The following IFT122 variants were observed in gnomAD, a reference collection of about 807,000 sequenced individuals.
IFT122 encodes intraflagellar transport protein 122 homolog.
In IFT122, 118 loss-of-function variants were observed where a neutral mutation model predicts 161.6. That is an observed-to-expected ratio of 0.73 (90% CI 0.63 to 0.85). The LOEUF is 0.85. IFT122 is among the 40% of genes least tolerant of loss of function. IFT122 has a pLI of 0.00. For missense variants in IFT122, 1,381 were observed against 1,579.6 expected, an observed-to-expected ratio of 0.87 and a Z score of 2.13; for synonymous variants, 550 against 602.4, an observed-to-expected ratio of 0.91 and a Z score of 1.27.
chr3:129,453,118 C>T (rs904580477), intron 3 of IFT122, among the ~76,000 whole-genome samples: 1 of 151,898 alleles, frequency 6.6e-6, no homozygotes, highest in Admixed American at 6.6e-5. Context: ...TTGATGATGT[C>T]GGAGAGGGGA....
Position 129,504,360 on chromosome 3 carries a change from C to T in IFT122, c.2589C>T (p.Asp863=), listed in dbSNP as rs2081966988. ...AGAAGCATCCTGAGTTTAAGGATGACATCTACATGCCGTATGCTCAGTGGC... is the reference window on the plus strand; with the variant it reads ...AGAAGCATCCTGAGTTTAAGGATGATATCTACATGCCGTATGCTCAGTGGC... ...LGEKHPEFKD[D]IYMPYAQWLA... The change falls in exon 21 of 30, where the codon GAC becomes GAT. Residue 863 remains aspartate (D), a synonymous_variant. Transcript: ENST00000348417. The T allele has an allele frequency of 1.2e-6, 2 of 1,614,026 alleles. No homozygotes were observed.
intron 23 of IFT122, among the ~76,000 whole-genome samples, chr3:129,508,816 CA>C (rs1385210228): frequency 6.6e-6 from 1 of 151,994 alleles, no homozygotes; most frequent in Non-Finnish European, 1.5e-5. Flanking sequence ...TGCGATGAGG[CA>C]AAATTTTGAA....
chr3:129,503,414 C>G (rs952939242), intron 20 of IFT122, among the ~76,000 whole-genome samples: 4 of 152,120 alleles, frequency 2.6e-5, no homozygotes, highest in Non-Finnish European at 4.4e-5. Flanking sequence ...AAAGAATTAG[C>G]CAGGTCAGCG....
chr3:129,486,085 A>G (rs552786941), intron 15 of IFT122, among the ~76,000 whole-genome samples: 1 of 152,342 alleles, frequency 6.6e-6, no homozygotes, highest in East Asian at 1.9e-4. Flanking sequence ...ACAGCAAGAT[A>G]AAGTATAGCT....
intron 3 of IFT122, chr3:129,456,357 G>T: frequency 9.7e-7 from 1 of 1,026,354 alleles, no homozygotes; most frequent in Non-Finnish European, 1.3e-6. Flanking sequence ...AAAGGTACTT[G>T]GCCGGGTGTG....
chr3:129,455,712 C>T (rs1049119562), intron 3 of IFT122, among the ~76,000 whole-genome samples: 6 of 151,838 alleles, frequency 4.0e-5, no homozygotes. Flanking sequence ...TACTGTTGAC[C>T]AGAAGCCTTA....
In IFT122 at chr3:129,449,941, G is replaced by A. The variant is rs1559838129; in HGVS notation, c.108+4G>A. 6.2e-7 allele frequency: 1 copy of A among 1,602,676 alleles called. No individual in the cohort carries two copies. The highest frequency in any genetic ancestry group is 2.2e-5 in the East Asian group (1 of 44,800). ...GGCTGCCGGAAGCAGATTACTGGTAGGATTTTGTCTTAGTTTCCTCTTAAA... is the reference window on the plus strand; with the variant it reads ...GGCTGCCGGAAGCAGATTACTGGTAAGATTTTGTCTTAGTTTCCTCTTAAA... On this transcript the variant is annotated splice_donor_region_variant and intron_variant, in intron 2 of 29. Transcript: ENST00000348417.
At chr3:129,491,480 A>G (rs147643126) in intron 16 of IFT122, among the ~76,000 whole-genome samples, 2,098 of 152,302 alleles carry the variant, frequency 0.014, 41 homozygotes, top group African/African-American at 0.045. Flanking sequence ...CTAGAGGTCC[A>G]TGAGTTAAAG....
chr3:129,517,072 GCACA>G (rs201556067), intron 26 of IFT122, among the ~76,000 whole-genome samples: 2 of 88,718 alleles, frequency 2.3e-5, no homozygotes, highest in African/African-American at 4.6e-5. Context: ...GACTGCCCCT[GCACA>G]CACACACAGA....
At chr3:129,458,558 T>A in intron 3 of IFT122, 41 bp from the exon 4 acceptor site, 1 of 1,524,162 alleles carries the variant, frequency 6.6e-7, no homozygotes, top group South Asian at 1.1e-5. Flanking sequence ...AATGCTGGTT[T>A]AAGATAAATG....
chr3:129,520,392 G>GA lies in IFT122; in HGVS notation c.*127_*128insA. On this transcript the variant is annotated 3_prime_UTR_variant, in exon 30 of 30. Transcript: ENST00000348417. ...GATGAAGTTTGTGTTTTGTGGGGGG[G>GA]GCCTTGTGTAACCACGGAATTCCTA... 1 of 785,792 alleles carries GA rather than the reference G, an allele frequency of 1.3e-6. No individual in the cohort carries two copies. Among genetic ancestry groups the GA allele is most frequent in the Non-Finnish European group, 2.2e-6 (1 of 462,054 alleles). 48.7% of individuals were successfully genotyped at this position (785,792 alleles called of 1,614,324 possible).
intron 22 of IFT122, among the ~76,000 whole-genome samples, chr3:129,506,920 C>A (rs1281263076): frequency 6.6e-6 from 1 of 152,242 alleles, no homozygotes; most frequent in African/African-American, 2.4e-5. Context: ...CAGATTCTTA[C>A]TCATCCCAGC....
chr3:129,500,996 G>T (rs950099817), intron 19 of IFT122, among the ~76,000 whole-genome samples: 2 of 152,100 alleles, frequency 1.3e-5, no homozygotes, highest in Non-Finnish European at 2.9e-5. Flanking sequence ...ATCCCAGGGT[G>T]TTGGGGCAGT....
At position 129,478,088 on chromosome 3, in the gene IFT122, A is replaced by G. The variant is rs1450877920; in HGVS notation, c.1220A>G (p.Glu407Gly). 6 of 1,614,192 alleles carry G rather than the reference A, an allele frequency of 3.7e-6. 1 individual carries two copies. In the Admixed American group the frequency reaches 1.0e-4, roughly 27 times the overall value. Residue 407 changes from glutamate (E) to glycine (G), a missense_variant, in exon 12 of 30, where the codon GAG (glutamate) becomes GGG (glycine). Transcript: ENST00000348417. ...YRNRLAIQLP[E>G]KILIYELYSE... ...AATCGATTGGCTATCCAACTGCCAGAGAAAATCCTCATCTATGAGTTGTAT... is the reference window on the plus strand; with the variant it reads ...AATCGATTGGCTATCCAACTGCCAGGGAAAATCCTCATCTATGAGTTGTAT...
chr3:129,507,190 T>C (rs2082276777), intron 22 of IFT122, among the ~76,000 whole-genome samples: 1 of 152,232 alleles, frequency 6.6e-6, no homozygotes, highest in South Asian at 2.1e-4. Flanking sequence ...GAGTCATGCT[T>C]ACAGTTTGAA....
intron 3 of IFT122, chr3:129,452,307 A>G (rs1478385731): frequency 2.6e-6 from 1 of 382,580 alleles, no homozygotes; most frequent in Non-Finnish European, 5.0e-6. Flanking sequence ...ATGAGGGAAG[A>G]CATACAGTAA....
rs536587757 is a variant in IFT122 at position 129,444,718 on chromosome 3, C to T, written c.41+4347C>T. On this transcript the variant is annotated intron_variant, in intron 1 of 29. Transcript: ENST00000348417. ...TGTATTTTTAGTAGAGATACAGTTT[C>T]ACCATGTTGGCCAGGATGGTCTCCA... 3.3e-4 allele frequency among the ~76,000 whole-genome samples: 50 copies of T among 152,260 alleles called. 1 individual carries two copies. In the South Asian group the frequency reaches 9.1e-3, roughly 28 times the overall value.
At chr3:129,443,056 A>G (rs1341949385) in intron 1 of IFT122, among the ~76,000 whole-genome samples, 2 of 152,252 alleles carry the variant, frequency 1.3e-5, no homozygotes, top group Admixed American at 6.5e-5. Flanking sequence ...CATGCCAGCT[A>G]GTATTTACTG....
intron 22 of IFT122, among the ~76,000 whole-genome samples, chr3:129,507,438 C>T (rs2082300453): frequency 6.6e-6 from 1 of 152,214 alleles, no homozygotes; most frequent in African/African-American, 2.4e-5. Context: ...CTCAAACTCC[C>T]TGGCCTTATG....
Sources: gnomAD v4.1 joint callset for allele counts (sites outside exome capture counted in the v4.1 genomes callset) on GRCh38, gnomAD v4.1.1 for gene constraint, MANE v1.5 for transcripts, NCBI Gene and HGNC (gene_info 2026-07-23, HGNC 2026-07-21) for gene names.